SLC6A5: variants seen among roughly 807,000 people sequenced by gnomAD.
SLC6A5 encodes solute carrier family 6 member 5.
In SLC6A5, 58 loss-of-function variants were observed where a neutral mutation model predicts 90.5. That is an observed-to-expected ratio of 0.64 (90% CI 0.52 to 0.80). SLC6A5 has a LOEUF of 0.80. Ranked by LOEUF, SLC6A5 falls within the 30% of genes least tolerant of loss-of-function variation. The pLI, the probability that SLC6A5 is intolerant of heterozygous loss-of-function variation, is 0.00. For missense variants in SLC6A5, 1,015 were observed against 1,017.6 expected, an observed-to-expected ratio of 1.00 and a Z score of 0.03; for synonymous variants, 427 against 401.4, an observed-to-expected ratio of 1.06 and a Z score of -0.76.
intron 11 of SLC6A5, 139 bp from the exon 12 acceptor site, chr11:20,637,033 G>A: frequency 2.3e-6 from 2 of 865,396 alleles, no homozygotes; most frequent in Non-Finnish European, 3.9e-6. Flanking sequence ...AGGCTTTTTA[G>A]ACCCATTGAG....
Position 20,617,863 on chromosome 11 carries a change from A to G in SLC6A5, c.1239A>G (p.Lys413=), listed in dbSNP as rs1049082253. 6.0e-5 allele frequency: 97 copies of G among 1,613,862 alleles called. No individual in the cohort carries two copies. In the South Asian group the frequency reaches 1.0e-3, roughly 17 times the overall value. Reference sequence around the variant, plus strand: ...TCATTGTGTATGCATCATTGGCTAAAGGAATCAAGACTTCAGGAAAAGTAA... The same window carrying G: ...TCATTGTGTATGCATCATTGGCTAAGGGAATCAAGACTTCAGGAAAAGTAA... ...AWVIVYASLA[K]GIKTSGKVVY... The change falls in exon 7 of 16, where the codon AAA becomes AAG. Residue 413 remains lysine, a synonymous_variant. Coordinates refer to ENST00000525748, the MANE Select transcript of SLC6A5 (RefSeq NM_004211.5).
chr11:20,622,127 C>T (rs1479668086), intron 7 of SLC6A5, among the ~76,000 whole-genome samples: 1 of 152,186 alleles, frequency 6.6e-6, no homozygotes, highest in Non-Finnish European at 1.5e-5. Context: ...TCAAGTTTAA[C>T]TCCTCTGACA....
intron 1 of SLC6A5, 126 bp from the exon 2 acceptor site, chr11:20,601,003 A>G (rs1852460045): frequency 1.1e-6 from 1 of 922,730 alleles, no homozygotes; most frequent in Admixed American, 3.2e-5. Flanking sequence ...AAAAAAGTTC[A>G]GATTCCAATT....
chr11:20,611,695 C>A (rs996118045), intron 5 of SLC6A5, among the ~76,000 whole-genome samples: 1 of 150,688 alleles, frequency 6.6e-6, no homozygotes, highest in Non-Finnish European at 1.5e-5. Context: ...TTGCTTCCTG[C>A]GAGTAAATGA....
rs199692692 is a variant in SLC6A5 at position 20,601,629 on chromosome 11, C to G, written c.504C>G (p.Ser168=). The G allele has an allele frequency of 6.2e-7, 1 of 1,614,066 alleles. No homozygotes were observed. The highest frequency in any genetic ancestry group is 2.2e-5 in the East Asian group (1 of 44,876). Residue 168 remains serine, a synonymous_variant, in exon 2 of 16, where the codon TCC becomes TCG. Coordinates refer to ENST00000525748, the MANE Select transcript of SLC6A5 (RefSeq NM_004211.5). The part of the protein sequence containing the change: ...TVVLATDGIT[S]VLPGSVATVA... ...TGCTGGCCACGGATGGAATCACGTCCGTGCTCCCGGGCAGCGTGGCCACCG... is the reference window on the plus strand; with the variant it reads ...TGCTGGCCACGGATGGAATCACGTCGGTGCTCCCGGGCAGCGTGGCCACCG...
chr11:20,643,699 G>A (rs942784060), intron 13 of SLC6A5, among the ~76,000 whole-genome samples: 1 of 152,222 alleles, frequency 6.6e-6, no homozygotes, highest in African/African-American at 2.4e-5. Flanking sequence ...TTGCCTTAAA[G>A]TAGAGCAGGA....
chr11:20,647,396 TATTCCTATTATATAGGA>T (rs202201621), intron 14 of SLC6A5, among the ~76,000 whole-genome samples: 3,860 of 138,240 alleles, frequency 0.028, 129 homozygotes, highest in African/African-American at 0.044. Flanking sequence ...TAGTTATATA[TATTCCTATTATATAGGA>T]ATTCCTATTA....
At chr11:20,643,989 T>G (rs1175536314) in intron 13 of SLC6A5, among the ~76,000 whole-genome samples, 1 of 152,172 alleles carries the variant, frequency 6.6e-6, no homozygotes, top group African/African-American at 2.4e-5. Flanking sequence ...GTGGAGTTTT[T>G]TGAGTTAATT....
At chr11:20,626,406 C>A (rs11025663) in intron 7 of SLC6A5, among the ~76,000 whole-genome samples, 1 of 151,908 alleles carries the variant, frequency 6.6e-6, no homozygotes, top group Non-Finnish European at 1.5e-5. Flanking sequence ...TCTCTGTGGT[C>A]CCCTAAGGAG....
At chr11:20,615,969 A>G (rs1852777127) in intron 6 of SLC6A5, among the ~76,000 whole-genome samples, 1 of 152,240 alleles carries the variant, frequency 6.6e-6, no homozygotes, top group Non-Finnish European at 1.5e-5. Flanking sequence ...AAAAGATGGA[A>G]ATAAAGTCTG....
rs373186404 is a variant in SLC6A5 at position 20,607,596 on chromosome 11, C to T, written c.929C>T (p.Ser310Phe). 2.5e-6 allele frequency: 4 copies of T among 1,614,006 alleles called. No individual in the cohort carries two copies. Among genetic ancestry groups the T allele is most frequent in the African/African-American group, 1.3e-5 (1 of 74,918 alleles). ...ASFVSVLPWG[S>F]CNNPWNTPEC... ...TTTGTGTCTGTACTACCCTGGGGCT[C>T]CTGCAACAACCCTTGGAATACGCCA... is the stretch of plus-strand genomic sequence containing the variant. Residue 310 changes from serine to phenylalanine, a missense_variant, in exon 5 of 16, where the codon TCC (serine) becomes TTC (phenylalanine). Physicochemically the swap from Ser to Phe is radical, Grantham distance 155. Transcript: ENST00000525748.
intron 5 of SLC6A5, among the ~76,000 whole-genome samples, chr11:20,610,348 C>G (rs1852670658): frequency 6.6e-6 from 1 of 152,176 alleles, no homozygotes; most frequent in African/African-American, 2.4e-5. Context: ...GCGGAGCGAG[C>G]GAGCGGGGAG....
intron 13 of SLC6A5, among the ~76,000 whole-genome samples, chr11:20,644,893 C>T (rs1047419821): frequency 4.0e-5 from 6 of 151,846 alleles, no homozygotes; most frequent in African/African-American, 1.5e-4. Context: ...CTCACTGCAA[C>T]CTCTGCCTCC....
intron 8 of SLC6A5, among the ~76,000 whole-genome samples, chr11:20,627,147 G>T (rs899362198): frequency 6.6e-6 from 1 of 152,128 alleles, no homozygotes; most frequent in Non-Finnish European, 1.5e-5. Context: ...ATAGAGTGTC[G>T]GAAGGGTAGT....
chr11:20,649,930 A>G (rs1282720569), intron 14 of SLC6A5, among the ~76,000 whole-genome samples: 2 of 152,194 alleles, frequency 1.3e-5, no homozygotes, highest in African/African-American at 4.8e-5. Context: ...CTTTTTTCCA[A>G]CAGTTGTCTT....
chr11:20,614,457 G>A (rs1038277692), intron 5 of SLC6A5, among the ~76,000 whole-genome samples: 2 of 152,228 alleles, frequency 1.3e-5, no homozygotes, highest in Admixed American at 1.3e-4. Context: ...TTTGTCATCA[G>A]TACAAGGTGC....
intron 10 of SLC6A5, 129 bp from the exon 11 acceptor site, chr11:20,636,178 T>G: frequency 1.4e-6 from 1 of 717,716 alleles, no homozygotes; most frequent in Non-Finnish European, 2.6e-6. Context: ...GAGTAAAAAA[T>G]AACCAACAGT....
At position 20,599,613 on chromosome 11, in the gene SLC6A5, C is replaced by T; in HGVS notation, c.-60C>T. On this transcript the variant is annotated 5_prime_UTR_variant, in exon 1 of 16. Coordinates refer to ENST00000525748, the MANE Select transcript of SLC6A5 (RefSeq NM_004211.5). ...AGCGCCTCTCCTGCCTGAGCCAAAC[C>T]CAGTCTTGTCAATAGCGGGTTTCAC... 9 of 1,610,600 alleles carry T rather than the reference C, an allele frequency of 5.6e-6. No homozygotes were observed. Among genetic ancestry groups the T allele is most frequent in the Non-Finnish European group, 7.6e-6 (9 of 1,176,720 alleles).
At chr11:20,648,223 AGTTTCCC>A (rs1227411055) in intron 14 of SLC6A5, among the ~76,000 whole-genome samples, 1 of 152,222 alleles carries the variant, frequency 6.6e-6, no homozygotes, top group Non-Finnish European at 1.5e-5. Flanking sequence ...ACATGGTCCC[AGTTTCCC>A]TAAAGGCAAC....
Sources: gnomAD v4.1 joint callset for allele counts (sites outside exome capture counted in the v4.1 genomes callset) on GRCh38, gnomAD v4.1.1 for gene constraint, MANE v1.5 for transcripts, NCBI Gene and HGNC (gene_info 2026-07-23, HGNC 2026-07-21) for gene names.